Variants in OSBPL9 observed in about 807,000 individuals in gnomAD.
OSBPL9 encodes oxysterol-binding protein-related protein 9.
A neutral mutation model predicts 106.6 loss-of-function variants in OSBPL9; 40 were observed. The ratio of observed to expected loss-of-function variants is 0.38; its 90% confidence interval spans 0.29 to 0.49. The LOEUF is 0.49. Ranked by LOEUF, OSBPL9 falls within the 20% of genes least tolerant of loss-of-function variation. OSBPL9 has a pLI of 0.97. For synonymous variants in OSBPL9, 269 were observed against 295.4 expected (o/e 0.91, Z 0.92); for missense variants, 609 against 887.2 (o/e 0.69, Z 3.98).
At chr1:51,742,324 G>A (rs754666504) in intron 4 of OSBPL9, among the ~76,000 whole-genome samples, 1 of 152,158 alleles carries the variant, frequency 6.6e-6, no homozygotes, top group Non-Finnish European at 1.5e-5. Context: ...ACTGTAAGAA[G>A]TATGAAGTCA....
upstream of OSBPL9, among the ~76,000 whole-genome samples, chr1:51,572,834 T>C (rs931524787): frequency 2.6e-5 from 4 of 152,256 alleles, no homozygotes; most frequent in Non-Finnish European, 5.9e-5. Context: ...GAGTTCATTC[T>C]TTTCCATCTG....
At chr1:51,579,128 T>C (rs953277267) in intron 1 of OSBPL9, among the ~76,000 whole-genome samples, 2 of 151,388 alleles carry the variant, frequency 1.3e-5, no homozygotes, top group African/African-American at 2.4e-5. Context: ...CAATTTCAGC[T>C]CACTGCAGCC....
intron 12 of OSBPL9, among the ~76,000 whole-genome samples, chr1:51,767,275 C>G (rs1409339486): frequency 6.6e-6 from 1 of 151,692 alleles, no homozygotes; most frequent in African/African-American, 2.4e-5. Flanking sequence ...CGCCTGTCGT[C>G]CTAGCTACTC....
At chr1:51,640,800 ATT>A (rs35721198) in intron 1 of OSBPL9, among the ~76,000 whole-genome samples, 9 of 143,870 alleles carry the variant, frequency 6.3e-5, no homozygotes, top group Admixed American at 1.4e-4. Context: ...TGTAAAGATA[ATT>A]TTTTTTTTTT....
chr1:51,529,763 A>G, the OSBPL9 span, among the ~76,000 whole-genome samples: 2 of 151,042 alleles, frequency 1.3e-5, no homozygotes, highest in African/African-American at 2.4e-5. Context: ...ATGCAAAAGG[A>G]TGAAGTTGAA....
intron 13 of OSBPL9, 86 bp downstream of exon 13, chr1:51,772,268 T>C (rs973588572): frequency 2.7e-6 from 3 of 1,118,198 alleles, no homozygotes; most frequent in Admixed American, 2.2e-5. Flanking sequence ...TCCCAGCACT[T>C]TGGGAGACCG....
At position 51,729,932 on chromosome 1, in the gene OSBPL9, C is replaced by T. The variant is rs1365746139; in HGVS notation, c.319-15604C>T. On this transcript the variant is annotated intron_variant, in intron 4 of 23. Coordinates refer to ENST00000428468, the MANE Select transcript of OSBPL9 (RefSeq NM_024586.6). This position sits in a 1 kb window ranked among gnomAD's most constrained non-coding sequence, Gnocchi z 5.1. ...AAAAGGGGTGCTCGGGAGCAGCCCC[C>T]GGCTACCTCCCCTGGAGGCACAGAG... 1.5e-6 allele frequency: 2 copies of T among 1,306,794 alleles called. No homozygotes were observed. Among genetic ancestry groups the T allele is most frequent in the African/African-American group, 1.5e-5 (1 of 66,392 alleles). 80.9% of individuals were successfully genotyped at this position (1,306,794 alleles called of 1,614,324 possible).
chr1:51,590,780 C>T (rs1290252166), intron 1 of OSBPL9, among the ~76,000 whole-genome samples: 3 of 151,896 alleles, frequency 2.0e-5, no homozygotes, highest in Admixed American at 6.6e-5. Flanking sequence ...GACAGGGTCT[C>T]TCTTTGTTGC....
intron 3 of OSBPL9, among the ~76,000 whole-genome samples, chr1:51,692,884 A>G (rs2148830345): frequency 6.6e-6 from 1 of 152,176 alleles, no homozygotes; most frequent in African/African-American, 2.4e-5. Flanking sequence ...GTTAGAAGGG[A>G]TAAGTACAAT....
Position 51,785,863 on chromosome 1 carries a change from A to G in OSBPL9, c.1885A>G (p.Met629Val). 6.2e-7 allele frequency: 1 copy of G among 1,611,474 alleles called. No homozygotes were observed. The highest frequency in any genetic ancestry group is 8.5e-7 in the Non-Finnish European group (1 of 1,179,496). ...AATTGAAGGGGAATGGAATGGTGTG[A>G]TGTATGCAAAATATGCAACAGGGGT... Reference protein sequence around the residue: ...CSIEGEWNGVMYAKYATGENT... With the variant: ...CSIEGEWNGVVYAKYATGENT... The change falls in exon 21 of 24, where the codon ATG becomes GTG. Residue 629 changes from methionine (M) to valine (V), a missense_variant. This residue lies in a region of OSBPL9 where 132 missense variants were observed against 158.1 expected (regional missense o/e 0.83). Coordinates refer to ENST00000428468, the MANE Select transcript of OSBPL9 (RefSeq NM_024586.6).
chr1:51,770,324 G>A (rs1183723992), intron 12 of OSBPL9, among the ~76,000 whole-genome samples: 2 of 152,066 alleles, frequency 1.3e-5, no homozygotes, highest in African/African-American at 4.8e-5. Flanking sequence ...TGTATTTTTA[G>A]TAGAGATGGG....
intron 1 of OSBPL9, among the ~76,000 whole-genome samples, chr1:51,646,640 C>T (rs902244170): frequency 3.9e-5 from 6 of 152,082 alleles, no homozygotes; most frequent in Admixed American, 2.0e-4. Flanking sequence ...TGGGTTCAAG[C>T]GATTCTCTAG....
intron 4 of OSBPL9, among the ~76,000 whole-genome samples, chr1:51,744,100 AAAC>A (rs1293402492): frequency 3.3e-5 from 5 of 152,226 alleles, no homozygotes; most frequent in Non-Finnish European, 7.3e-5. Flanking sequence ...TTGAAAAAGA[AAAC>A]AAATTATGAG....
chr1:51,643,815 T>C (rs2148681630), intron 1 of OSBPL9, among the ~76,000 whole-genome samples: 1 of 152,024 alleles, frequency 6.6e-6, no homozygotes, highest in East Asian at 1.9e-4. Flanking sequence ...GTACGGTGGC[T>C]CACTCCTGTA....
chr1:51,750,778 T>G (rs980809462), intron 8 of OSBPL9, among the ~76,000 whole-genome samples: 8 of 152,220 alleles, frequency 5.3e-5, no homozygotes, highest in African/African-American at 1.9e-4. Context: ...AAGAATATTA[T>G]TGTTTGAGAA....
At chr1:51,708,697 T>C (rs537435624) in intron 3 of OSBPL9, among the ~76,000 whole-genome samples, 81 of 152,194 alleles carry the variant, frequency 5.3e-4, no homozygotes, top group Non-Finnish European at 9.4e-4. Flanking sequence ...CAGTCTCGTA[T>C]ATTCGATTTC....
At chr1:51,587,667 C>T (rs1374775890) in intron 1 of OSBPL9, among the ~76,000 whole-genome samples, 2 of 152,154 alleles carry the variant, frequency 1.3e-5, no homozygotes, top group Non-Finnish European at 2.9e-5. Context: ...CTTCTCAACC[C>T]CCTTGCCTGT....
intron 2 of OSBPL9, among the ~76,000 whole-genome samples, chr1:51,663,090 A>AT (rs1195433751): frequency 6.6e-6 from 1 of 152,152 alleles, no homozygotes; most frequent in Non-Finnish European, 1.5e-5. Context: ...CAGAACATGA[A>AT]TTTTTTTAAA....
At chr1:51,629,375 C>T (rs1170834853) in intron 1 of OSBPL9, among the ~76,000 whole-genome samples, 1 of 152,124 alleles carries the variant, frequency 6.6e-6, no homozygotes, top group Non-Finnish European at 1.5e-5. Flanking sequence ...AGTGGCTTTT[C>T]AGTAAATATA....
Sources: gnomAD v4.1 joint callset for allele counts (sites outside exome capture counted in the v4.1 genomes callset) on GRCh38, gnomAD v4.1.1 for gene constraint, gnomAD v4.1.1 regional missense constraint, Gnocchi (gnomAD v3.1) non-coding constraint, MANE v1.5 for transcripts, NCBI Gene and HGNC (gene_info 2026-07-23, HGNC 2026-07-21) for gene names.